Variants in LRRFIP2 observed in about 807,000 individuals in gnomAD.
The protein encoded by LRRFIP2 is leucine-rich repeat flightless-interacting protein 2.
Under a neutral mutation model 125.9 loss-of-function variants are expected in LRRFIP2, and 109 were observed. The ratio of observed to expected loss-of-function variants is 0.87; its 90% confidence interval spans 0.74 to 1.01. The LOEUF (loss-of-function observed/expected upper bound fraction) is 1.01. Among genes scored for constraint, LRRFIP2 ranks in the 50% least tolerant of loss-of-function variants. The probability of loss-of-function intolerance (pLI) is 0.00; values close to 1 mark genes in which losing one functional copy is unlikely to be tolerated. For missense variants in LRRFIP2, 850 were observed against 862.3 expected, an observed-to-expected ratio of 0.99 and a Z score of 0.18; for synonymous variants, 291 against 293.1, an observed-to-expected ratio of 0.99 and a Z score of 0.07.
chr3:37,114,401 T>C lies in LRRFIP2; in HGVS notation c.372+653A>G, dbSNP rs572120782. Among the ~76,000 whole-genome samples, 10 of 152,324 alleles carry C rather than the reference T, an allele frequency of 6.6e-5. No individual in the cohort carries two copies. In the South Asian group the frequency reaches 2.1e-3, roughly 32 times the overall value. ...ATATGACATAAAACACAATTTGGGCTTGTGCTCAACATGAAGACAAGTTTC... is the reference window on the plus strand; with the variant it reads ...ATATGACATAAAACACAATTTGGGCCTGTGCTCAACATGAAGACAAGTTTC... On this transcript the variant is annotated intron_variant, in intron 7 of 27. Transcript: ENST00000336686.
chr3:37,163,758 C>G (rs1338252087), intron 1 of LRRFIP2, among the ~76,000 whole-genome samples: 2 of 152,224 alleles, frequency 1.3e-5, no homozygotes, highest in Admixed American at 6.5e-5. Flanking sequence ...GCCAAAAATA[C>G]ATGTATGGAC....
intron 21 of LRRFIP2, among the ~76,000 whole-genome samples, chr3:37,072,581 T>C (rs1462661941): frequency 6.6e-6 from 1 of 151,938 alleles, no homozygotes; most frequent in Non-Finnish European, 1.5e-5. Context: ...TTATACATTT[T>C]ACAAGCCTAG....
chr3:37,163,040 T>C (rs2096388083), intron 1 of LRRFIP2, among the ~76,000 whole-genome samples: 1 of 152,230 alleles, frequency 6.6e-6, no homozygotes, highest in Non-Finnish European at 1.5e-5. Flanking sequence ...TTCTAGATAT[T>C]TACCGTAGTA....
chr3:37,078,989 T>C (rs142325813), intron 19 of LRRFIP2, among the ~76,000 whole-genome samples: 1 of 152,340 alleles, frequency 6.6e-6, no homozygotes, highest in East Asian at 1.9e-4. Context: ...AGAAAAGTAA[T>C]TGGTCACAAC....
At chr3:37,136,609 A>G (rs1307521627) in intron 2 of LRRFIP2, among the ~76,000 whole-genome samples, 2 of 152,156 alleles carry the variant, frequency 1.3e-5, no homozygotes, top group African/African-American at 4.8e-5. Flanking sequence ...ATGCTAAGTT[A>G]AACATTTTTT....
At chr3:37,058,050 G>C (rs2087426834) in intron 25 of LRRFIP2, among the ~76,000 whole-genome samples, 1 of 152,184 alleles carries the variant, frequency 6.6e-6, no homozygotes. Context: ...ACTCAATTTA[G>C]TGTGAAGTAG....
At chr3:37,128,233 C>T (rs2095337410) in intron 3 of LRRFIP2, among the ~76,000 whole-genome samples, 1 of 152,146 alleles carries the variant, frequency 6.6e-6, no homozygotes, top group Admixed American at 6.6e-5. Context: ...TTTTAACCTG[C>T]TCACAGAAAA....
At chr3:37,070,556 T>G (rs1482015077) in intron 21 of LRRFIP2, among the ~76,000 whole-genome samples, 2 of 151,512 alleles carry the variant, frequency 1.3e-5, no homozygotes, top group African/African-American at 4.8e-5. Context: ...GCCAACATGG[T>G]GAAACCCCAT....
chr3:37,147,230 G>A (rs539852779), intron 2 of LRRFIP2, among the ~76,000 whole-genome samples: 2 of 152,336 alleles, frequency 1.3e-5, no homozygotes, highest in South Asian at 2.1e-4. Flanking sequence ...AGGCTGTGGA[G>A]AAACAGGAGC....
At chr3:37,094,942 T>G (rs369671885) in intron 16 of LRRFIP2, 34 bp from the exon 17 acceptor site, 18 of 1,324,480 alleles carry the variant, frequency 1.4e-5, no homozygotes, top group Non-Finnish European at 2.0e-5. Context: ...CTAAGTCTCA[T>G]TTCTTTAAAA....
chr3:37,146,208 T>C (rs572408634), intron 2 of LRRFIP2, among the ~76,000 whole-genome samples: 4 of 152,312 alleles, frequency 2.6e-5, no homozygotes, highest in Admixed American at 2.0e-4. Flanking sequence ...ACTACAATTA[T>C]GTTGTTTCCA....
rs570354664 is a variant in LRRFIP2, at chr3:37,173,185, G to A, written c.-56+1354C>T. Among the ~76,000 whole-genome samples, 20 of 151,644 alleles carry A rather than the reference G, an allele frequency of 1.3e-4. No individual in the cohort carries two copies. In the South Asian group the frequency reaches 3.3e-3, roughly 25 times the overall value. ...TGCACTCCAGCCTGGGCGACAGAGC[G>A]AGACTCCACCTAAAAAAAAAAAAAG... On this transcript the variant is annotated intron_variant, in intron 1 of 27. Transcript: ENST00000336686.
chr3:37,166,725 T>TTA (rs1553841225), intron 1 of LRRFIP2, among the ~76,000 whole-genome samples: 3 of 148,082 alleles, frequency 2.0e-5, no homozygotes, highest in Admixed American at 6.7e-5. Flanking sequence ...CTACAAAATA[T>TTA]AAAAAAAAAG....
chr3:37,107,653 A>G (rs1430551273), intron 13 of LRRFIP2, among the ~76,000 whole-genome samples: 1 of 152,140 alleles, frequency 6.6e-6, no homozygotes, highest in Non-Finnish European at 1.5e-5. Flanking sequence ...TTTTTTAATC[A>G]GCTTGTTTTA....
intron 24 of LRRFIP2, 41 bp downstream of exon 24, chr3:37,063,701 T>C: frequency 6.9e-7 from 1 of 1,454,368 alleles, no homozygotes; most frequent in Non-Finnish European, 9.6e-7. Context: ...ACCATGTAAC[T>C]TTGTTAAAAT....
At chr3:37,141,908 C>G (rs1207296115) in intron 2 of LRRFIP2, among the ~76,000 whole-genome samples, 1 of 152,144 alleles carries the variant, frequency 6.6e-6, no homozygotes, top group South Asian at 2.1e-4. Flanking sequence ...CCAGCTCCAG[C>G]CAGTTTCCTC....
At chr3:37,073,981 T>C (rs564533675) in intron 20 of LRRFIP2, among the ~76,000 whole-genome samples, 3 of 152,288 alleles carry the variant, frequency 2.0e-5, no homozygotes, top group Admixed American at 2.0e-4. Context: ...CCAAGAAAAT[T>C]AACTTCACAT....
intron 1 of LRRFIP2, among the ~76,000 whole-genome samples, chr3:37,156,813 C>T (rs1445161625): frequency 1.3e-5 from 2 of 150,052 alleles, no homozygotes; most frequent in African/African-American, 4.9e-5. Context: ...CTGAAGAATA[C>T]CTAGTAGTTA....
chr3:37,079,564 C>T (rs1046413326), intron 19 of LRRFIP2, among the ~76,000 whole-genome samples: 5 of 152,022 alleles, frequency 3.3e-5, no homozygotes, highest in African/African-American at 7.3e-5. Flanking sequence ...CATAGCAAGG[C>T]CCCATCTCTT....
Sources: allele counts gnomAD v4.1 joint callset (sites outside exome capture counted in the v4.1 genomes callset), GRCh38; gene constraint gnomAD v4.1.1; transcripts MANE v1.5; gene names NCBI Gene and HGNC (gene_info 2026-07-23, HGNC 2026-07-21).